Variants in ADRA1D observed in about 807,000 individuals in gnomAD.
ADRA1D encodes the protein alpha-1D adrenergic receptor.
A neutral mutation model predicts 18.6 loss-of-function variants in ADRA1D; 22 were observed. The ratio of observed to expected loss-of-function variants is 1.19; its 90% confidence interval spans 0.85 to 1.69. The LOEUF is 1.69. Among genes scored for constraint, ADRA1D ranks in the 40% most tolerant of loss-of-function variants. The pLI is 0.00. For missense variants in ADRA1D, 840 were observed against 840.7 expected (o/e 1.00, Z 0.01); for synonymous variants, 376 against 388.2 (o/e 0.97, Z 0.37).
Position 4,221,700 on chromosome 20 carries a change from G to A in ADRA1D, c.1542C>T (p.Val514=). The stretch of plus-strand genomic sequence containing the variant: ...CGCGGATCTTGTGCGACAGGCTGGA[G>A]ACTTTGGCGCGCAGCTGGGTCGTGG... ...RRPTTQLRAK[V]SSLSHKIRAG... Residue 514 remains valine, a synonymous_variant, in exon 2 of 2, where the codon GTC becomes GTT. Transcript: ENST00000379453. The A allele has an allele frequency of 6.2e-7, 1 of 1,611,182 alleles. No homozygotes were observed. Among genetic ancestry groups the A allele is most frequent in the Non-Finnish European group, 8.5e-7 (1 of 1,179,472 alleles).
rs373071994 is a variant in ADRA1D at position 4,244,198 on chromosome 20, G to T, written c.1111+3649C>A. The stretch of plus-strand genomic sequence containing the variant: ...GCTTTGTGTGCGGAAGTGTGAGTGA[G>T]GGCACCCCAGGTCTGCTGTGGCCCT... On this transcript the variant is annotated intron_variant, in intron 1 of 1. Coordinates refer to ENST00000379453, the MANE Select transcript of ADRA1D (RefSeq NM_000678.4). Among the ~76,000 whole-genome samples the T allele has an allele frequency of 3.9e-5, 6 of 152,348 alleles. No homozygotes were observed. In the East Asian group the frequency reaches 5.8e-4, roughly 15 times the overall value.
rs115635142 is a variant in ADRA1D, at chr20:4,223,702, C to T, written c.1112-1572G>A. 3.5e-3 allele frequency among the ~76,000 whole-genome samples: 536 copies of T among 152,262 alleles called. 3 individuals carry two copies. The highest frequency in any genetic ancestry group is 0.012 in the African/African-American group (511 of 41,532). ...ACCCAAAGAACCATCCTGTTTTTCA[C>T]TTTCAATATAGTAGTTAATAAATTA... On this transcript the variant is annotated intron_variant, in intron 1 of 1. Transcript: ENST00000379453.
intron 1 of ADRA1D, among the ~76,000 whole-genome samples, chr20:4,246,858 C>T (rs1488154111): frequency 6.6e-6 from 1 of 152,134 alleles, no homozygotes; most frequent in Non-Finnish European, 1.5e-5. Context: ...GAAAGGGCTT[C>T]CGGGGGCACA....
chr20:4,231,267 G>GTTGTTATTATTATTA (rs1980963129), intron 1 of ADRA1D, among the ~76,000 whole-genome samples: 4 of 138,910 alleles, frequency 2.9e-5, no homozygotes, highest in Non-Finnish European at 4.6e-5. Flanking sequence ...CTGGCTAATT[G>GTTGTTATTATTATTA]TTATTATTAT....
chr20:4,237,155 C>T (rs1981111286), intron 1 of ADRA1D, among the ~76,000 whole-genome samples: 1 of 151,416 alleles, frequency 6.6e-6, no homozygotes, highest in Non-Finnish European at 1.5e-5. Flanking sequence ...AGCCAGAGGA[C>T]CAGGAGGGAG....
intron 1 of ADRA1D, among the ~76,000 whole-genome samples, chr20:4,224,935 G>C (rs1241739276): frequency 6.6e-6 from 1 of 151,538 alleles, no homozygotes. Context: ...AGCATCATAT[G>C]GCACAGGCTT....
At chr20:4,244,492 T>A (rs1981288647) in intron 1 of ADRA1D, among the ~76,000 whole-genome samples, 1 of 152,322 alleles carries the variant, frequency 6.6e-6, no homozygotes, top group South Asian at 2.1e-4. Flanking sequence ...CTGCACTCCA[T>A]GCTCCTGCAA....
chr20:4,244,979 C>T (rs555599245), intron 1 of ADRA1D, among the ~76,000 whole-genome samples: 1 of 152,234 alleles, frequency 6.6e-6, no homozygotes, highest in Admixed American at 6.5e-5. Flanking sequence ...AGGGCCTCCT[C>T]CACCCCCCAA....
At chr20:4,232,118 T>C (rs955281801) in intron 1 of ADRA1D, among the ~76,000 whole-genome samples, 23 of 152,224 alleles carry the variant, frequency 1.5e-4, no homozygotes, top group African/African-American at 5.5e-4. Context: ...TTCGCCATGT[T>C]GGCCAGGTTG....
chr20:4,239,045 G>A lies in ADRA1D; in HGVS notation c.1111+8802C>T, dbSNP rs931190115. On this transcript the variant is annotated intron_variant, in intron 1 of 1. Transcript: ENST00000379453. The surrounding 1 kb of genome is among the most constrained non-coding windows in gnomAD (Gnocchi z 4.9). Reference sequence around the variant, plus strand: ...AGGACAGGAGCAGATGGACTCAGGAGGAAGAGCTTCACTGAGGATTCTGGG... The same window carrying A: ...AGGACAGGAGCAGATGGACTCAGGAAGAAGAGCTTCACTGAGGATTCTGGG... Among the ~76,000 whole-genome samples, 1 of 152,012 alleles carries A rather than the reference G, an allele frequency of 6.6e-6. No homozygotes were observed. The highest frequency in any genetic ancestry group is 3.2e-3 in the Middle Eastern group (1 of 316).
At chr20:4,235,521 C>T (rs1173270198) in intron 1 of ADRA1D, among the ~76,000 whole-genome samples, 2 of 152,366 alleles carry the variant, frequency 1.3e-5, no homozygotes, top group Non-Finnish European at 2.9e-5. Context: ...AATGGCCACA[C>T]CCCAAGCTCT....
intron 1 of ADRA1D, among the ~76,000 whole-genome samples, chr20:4,230,230 A>G (rs924067798): frequency 6.6e-6 from 1 of 152,098 alleles, no homozygotes; most frequent in African/African-American, 2.4e-5. Context: ...TTGAGTCATG[A>G]TGCATTTGTC....
chr20:4,247,346 C>A (rs1981357511), intron 1 of ADRA1D, among the ~76,000 whole-genome samples: 1 of 152,156 alleles, frequency 6.6e-6, no homozygotes. Flanking sequence ...GGGAGGGTCC[C>A]AAATGGGGCC....
chr20:4,247,942 T>C lies in ADRA1D; in HGVS notation c.1016A>G (p.Lys339Arg), dbSNP rs756734203. The C allele has an allele frequency of 6.2e-7, 1 of 1,602,182 alleles. No homozygotes were observed. Among genetic ancestry groups the C allele is most frequent in the Admixed American group, 1.7e-5 (1 of 58,512 alleles). ...GGCCGCTTTCTTCTCACGGGAGAACTTGAGCAGGCGCACGGAGAGCGAGCT... is the reference window on the plus strand; with the variant it reads ...GGCCGCTTTCTTCTCACGGGAGAACCTGAGCAGGCGCACGGAGAGCGAGCT... ...FRSSLSVRLL[K>R]FSREKKAAKT... The change falls in exon 1 of 2, where the codon AAG becomes AGG. Residue 339 changes from lysine (K) to arginine (R), a missense_variant. By Grantham distance (26) the Lys-to-Arg change is conservative. Transcript: ENST00000379453.
chr20:4,244,551 C>G (rs1025031709), intron 1 of ADRA1D, among the ~76,000 whole-genome samples: 2 of 152,206 alleles, frequency 1.3e-5, no homozygotes, highest in Non-Finnish European at 2.9e-5. Context: ...GTTCTCTATC[C>G]CCTACCACAC....
intron 1 of ADRA1D, among the ~76,000 whole-genome samples, chr20:4,244,225 C>T (rs1462855579): frequency 2.6e-5 from 4 of 152,186 alleles, no homozygotes; most frequent in African/African-American, 9.7e-5. Flanking sequence ...TGTGGCCCTA[C>T]TGGGTGCCTT....
At position 4,239,317 on chromosome 20, in the gene ADRA1D, G is replaced by A. The variant is rs1229904444; in HGVS notation, c.1111+8530C>T. Among the ~76,000 whole-genome samples the A allele has an allele frequency of 6.6e-6, 1 of 152,196 alleles. No homozygotes were observed. Among genetic ancestry groups the A allele is most frequent in the Non-Finnish European group, 1.5e-5 (1 of 68,042 alleles). On this transcript the variant is annotated intron_variant, in intron 1 of 1. Coordinates refer to ENST00000379453, the MANE Select transcript of ADRA1D (RefSeq NM_000678.4). This position sits in a 1 kb window ranked among gnomAD's most constrained non-coding sequence, Gnocchi z 4.9. ...GATGTTTGGGACAAACATATCAGCA[G>A]GAGCTGGGCAGAGGACAAGATCTTC...
chr20:4,247,962 C>G lies in ADRA1D; in HGVS notation c.996G>C (p.Ser332=), dbSNP rs1460942567. Residue 332 remains serine (S), a synonymous_variant, in exon 1 of 2, where the codon TCG becomes TCC. Coordinates refer to ENST00000379453, the MANE Select transcript of ADRA1D (RefSeq NM_000678.4). ...RSAKGHTFRS[S]LSVRLLKFSR... Reference sequence around the variant, plus strand: ...AGAACTTGAGCAGGCGCACGGAGAGCGAGCTGCGGAAGGTGTGGCCCTTGG... The same window carrying G: ...AGAACTTGAGCAGGCGCACGGAGAGGGAGCTGCGGAAGGTGTGGCCCTTGG... 2 of 1,589,726 alleles carry G rather than the reference C, an allele frequency of 1.3e-6. No individual in the cohort carries two copies. Among genetic ancestry groups the G allele is most frequent in the Non-Finnish European group, 8.6e-7 (1 of 1,168,928 alleles).
intron 1 of ADRA1D, among the ~76,000 whole-genome samples, chr20:4,237,001 T>C (rs948093955): frequency 1.3e-5 from 2 of 152,134 alleles, no homozygotes; most frequent in Non-Finnish European, 2.9e-5. Flanking sequence ...TAATTTGTTA[T>C]AGCAGGAACA....
Sources: allele counts gnomAD v4.1 joint callset (sites outside exome capture counted in the v4.1 genomes callset), GRCh38; gene constraint gnomAD v4.1.1; non-coding constraint Gnocchi (gnomAD v3.1); transcripts MANE v1.5; gene names NCBI Gene and HGNC (gene_info 2026-07-23, HGNC 2026-07-21).